CSTPP1: variants seen among roughly 807,000 people sequenced by gnomAD.
The protein encoded by CSTPP1 is UPF0705 protein C11orf49.
At chr11:47,027,936 T>TC in the CSTPP1 span, among the ~76,000 whole-genome samples, 1 of 150,458 alleles carries the variant, frequency 6.6e-6, no homozygotes, top group Non-Finnish European at 1.5e-5. Context: ...TCTTTTTTTT[T>TC]TTTTTGAGAC....
chr11:47,010,385 G>A, the CSTPP1 span, among the ~76,000 whole-genome samples: 2 of 152,220 alleles, frequency 1.3e-5, 1 homozygote, highest in African/African-American at 4.8e-5. Context: ...AACGGAATCT[G>A]TCTCTGGCTA....
At chr11:47,089,309 A>G in the CSTPP1 span, among the ~76,000 whole-genome samples, 6 of 152,298 alleles carry the variant, frequency 3.9e-5, no homozygotes, top group African/African-American at 1.2e-4. Context: ...TTATGTATAC[A>G]TTTATATGTG....
the CSTPP1 span, among the ~76,000 whole-genome samples, chr11:46,968,553 A>G: frequency 6.6e-6 from 1 of 151,596 alleles, no homozygotes; most frequent in Non-Finnish European, 1.5e-5. Context: ...TTTTGATAAA[A>G]TTATCTAATT....
chr11:46,963,530 G>A, the CSTPP1 span, among the ~76,000 whole-genome samples: 1 of 151,832 alleles, frequency 6.6e-6, no homozygotes, highest in African/African-American at 2.4e-5. Context: ...AAGATATTAG[G>A]GGCCGGGCGC....
chr11:46,938,029 C>G, the CSTPP1 span, among the ~76,000 whole-genome samples: 3 of 151,968 alleles, frequency 2.0e-5, no homozygotes, highest in Non-Finnish European at 4.4e-5. Context: ...CATGCGCCAC[C>G]ACGCCAGGTT....
chr11:47,142,041 G>A, the CSTPP1 span, among the ~76,000 whole-genome samples: 7 of 150,474 alleles, frequency 4.7e-5, no homozygotes, highest in Non-Finnish European at 8.9e-5. Context: ...TCAAGAGATC[G>A]AGACCATCCT....
chr11:47,097,200 C>T, the CSTPP1 span, among the ~76,000 whole-genome samples: 13 of 114,078 alleles, frequency 1.1e-4, no homozygotes, highest in Non-Finnish European at 2.4e-4. Context: ...AGGTGAGGGG[C>T]GCCTCTGCCC....
chr11:47,157,091 G>A, the CSTPP1 span: 1 of 1,614,190 alleles, frequency 6.2e-7, no homozygotes, highest in Non-Finnish European at 8.5e-7. Context: ...CACAGTGATT[G>A]TGCCGACGTC....
the CSTPP1 span, among the ~76,000 whole-genome samples, chr11:46,999,741 A>G: frequency 1.3e-5 from 2 of 152,224 alleles, no homozygotes; most frequent in Admixed American, 1.3e-4. Context: ...TCGAGTTCAC[A>G]TCTTGAGACT....
chr11:47,156,937 AGAG>A, the CSTPP1 span: 1 of 1,413,164 alleles, frequency 7.1e-7, no homozygotes. Flanking sequence ...CTGGGCTGAC[AGAG>A]AAGGGAAGAC....
the CSTPP1 span, chr11:47,052,538 T>A: frequency 1.2e-6 from 2 of 1,606,924 alleles, no homozygotes; most frequent in South Asian, 2.2e-5. Context: ...CCCAAATTCT[T>A]TTTCCTTCCT....
the CSTPP1 span, among the ~76,000 whole-genome samples, chr11:47,142,807 C>T: frequency 6.6e-6 from 1 of 152,102 alleles, no homozygotes; most frequent in Non-Finnish European, 1.5e-5. Flanking sequence ...ATTCTCGATA[C>T]CAAGGTAGAA....
At chr11:47,158,092 T>C in the CSTPP1 span, 1 of 614,084 alleles carries the variant, frequency 1.6e-6, no homozygotes, top group Admixed American at 2.9e-5. Context: ...AAAACATGGC[T>C]CTTACACATT....
the CSTPP1 span, among the ~76,000 whole-genome samples, chr11:46,965,204 A>G: frequency 1.3e-5 from 2 of 151,468 alleles, no homozygotes; most frequent in East Asian, 1.9e-4. Context: ...AGCCTATAGC[A>G]TATTAACACA....
At chr11:47,059,374 A>C in the CSTPP1 span, among the ~76,000 whole-genome samples, 4 of 152,182 alleles carry the variant, frequency 2.6e-5, no homozygotes, top group Non-Finnish European at 5.9e-5. Context: ...GCCAAAAAAA[A>C]CCTGAGTGGT....
chr11:47,072,666 A>C, the CSTPP1 span, among the ~76,000 whole-genome samples: 4 of 152,152 alleles, frequency 2.6e-5, no homozygotes, highest in African/African-American at 7.2e-5. Context: ...CAGCTCTTTT[A>C]ATTAGAAAAT....
At chr11:47,100,516 G>C in the CSTPP1 span, among the ~76,000 whole-genome samples, 1 of 152,234 alleles carries the variant, frequency 6.6e-6, no homozygotes, top group Non-Finnish European at 1.5e-5. Flanking sequence ...TTCAAGCCAG[G>C]TGTGGTGGCG....
the CSTPP1 span, among the ~76,000 whole-genome samples, chr11:47,101,687 C>T: frequency 6.6e-6 from 1 of 152,050 alleles, no homozygotes; most frequent in African/African-American, 2.4e-5. Context: ...ACCTTTAGAA[C>T]AATAGCCCGA....
chr11:47,019,671 A>C, the CSTPP1 span, among the ~76,000 whole-genome samples: 1 of 152,214 alleles, frequency 6.6e-6, no homozygotes, highest in Admixed American at 6.5e-5. Context: ...TGGCACCCCA[A>C]AATAATTACA....
Sources: gnomAD v4.1 joint callset for allele counts (sites outside exome capture counted in the v4.1 genomes callset) on GRCh38, gnomAD v4.1.1 for gene constraint, MANE v1.5 for transcripts, NCBI Gene and HGNC (gene_info 2026-07-23, HGNC 2026-07-21) for gene names.